The following CAPRIN1 variants were observed in gnomAD, a reference collection of about 807,000 sequenced individuals.
CAPRIN1 encodes the protein caprin-1.
Under a neutral mutation model 100.9 loss-of-function variants are expected in CAPRIN1, and 29 were observed. The observed-to-expected ratio is 0.29, with a 90% CI of 0.21 to 0.39. The LOEUF is 0.39. Ranked by LOEUF, CAPRIN1 falls within the 10% of genes least tolerant of loss-of-function variation. CAPRIN1 has a pLI of 1.00. For synonymous variants in CAPRIN1, 338 were observed against 307.5 expected (o/e 1.10, Z -1.04); for missense variants, 795 against 876.7 (o/e 0.91, Z 1.18).
chr11:34,071,610 T>A, intron 2 of CAPRIN1, 116 bp from the exon 3 acceptor site: 5 of 747,824 alleles, frequency 6.7e-6, no homozygotes, highest in Non-Finnish European at 1.1e-5. Context: ...TCTTAAAAGT[T>A]TATTTAAGTC....
chr11:34,085,063 G>A (rs748968669), intron 9 of CAPRIN1, among the ~76,000 whole-genome samples: 3 of 152,096 alleles, frequency 2.0e-5, no homozygotes, highest in Admixed American at 6.6e-5. Flanking sequence ...ATTTTTATCT[G>A]TGTTGTTTAT....
intron 2 of CAPRIN1, among the ~76,000 whole-genome samples, chr11:34,059,593 A>G (rs918398629): frequency 2.6e-5 from 4 of 152,318 alleles, no homozygotes; most frequent in South Asian, 4.1e-4. Flanking sequence ...AATTGGTAAT[A>G]AGCTCTTTGT....
At position 34,086,142 on chromosome 11, in the gene CAPRIN1, C is replaced by G; in HGVS notation, c.1045C>G (p.Gln349Glu). ...PEPHSLTPVAQADPLVRRQRV... is the reference protein window; with the variant it reads ...PEPHSLTPVAEADPLVRRQRV... The stretch of plus-strand genomic sequence containing the variant: ...GCCCCACTCTTTGACTCCAGTGGCT[C>G]AGGCAGATCCCCTTGTGAGAAGACA... The change falls in exon 10 of 19, where the codon CAG (glutamine) becomes GAG (glutamate). Residue 349 changes from glutamine (Q) to glutamate (E), a missense_variant. Around this residue, in one of 3 missense-constraint regions of CAPRIN1, gnomAD observed 648 missense variants for 697.9 expected, o/e 0.93. Transcript: ENST00000341394. 6.2e-7 allele frequency: 1 copy of G among 1,614,148 alleles called. No individual in the cohort carries two copies. Among genetic ancestry groups the G allele is most frequent in the Non-Finnish European group, 8.5e-7 (1 of 1,180,004 alleles).
intron 15 of CAPRIN1, among the ~76,000 whole-genome samples, chr11:34,095,005 C>T (rs1446620794): frequency 1.3e-5 from 2 of 152,104 alleles, no homozygotes; most frequent in Non-Finnish European, 2.9e-5. Flanking sequence ...ACCTCAGCCT[C>T]CCAAGTAGCT....
rs536107980 is a variant in CAPRIN1 at position 34,055,377 on chromosome 11, C to T, written c.216+2741C>T. Among the ~76,000 whole-genome samples the T allele has an allele frequency of 3.2e-4, 49 of 152,250 alleles. No individual in the cohort carries two copies. In the South Asian group the frequency reaches 3.9e-3, roughly 12 times the overall value. On this transcript the variant is annotated intron_variant, in intron 2 of 18. Transcript: ENST00000341394. ...CGCTCTTGTCCGCCAGGCTGGAGTG[C>T]GACGATGTGATCTCGGTTCACTGCA...
At chr11:34,097,791 C>T (rs1565099530) in intron 18 of CAPRIN1, 30 bp downstream of exon 18, 1 of 1,613,858 alleles carries the variant, frequency 6.2e-7, no homozygotes, top group East Asian at 2.2e-5. Context: ...ATCCTAGCTC[C>T]TAAGTGGAGC....
chr11:34,056,334 T>C (rs912174626), intron 2 of CAPRIN1, among the ~76,000 whole-genome samples: 1 of 152,200 alleles, frequency 6.6e-6, no homozygotes, highest in Non-Finnish European at 1.5e-5. Flanking sequence ...TTTATTGTAC[T>C]TTAAAAAACA....
intron 9 of CAPRIN1, among the ~76,000 whole-genome samples, chr11:34,084,258 G>A (rs1208720867): frequency 1.3e-5 from 2 of 152,132 alleles, no homozygotes; most frequent in East Asian, 3.9e-4. Flanking sequence ...CTGGCCCATA[G>A]ATGTTATAAT....
At chr11:34,091,830 A>C (rs370594632) in intron 14 of CAPRIN1, 76 bp from the exon 15 acceptor site, 2 of 1,351,592 alleles carry the variant, frequency 1.5e-6, no homozygotes, top group Non-Finnish European at 2.0e-6. Context: ...CTGAGGTAAA[A>C]CCACCATTGA....
At chr11:34,066,361 TCTCA>T (rs1156281451) in intron 2 of CAPRIN1, among the ~76,000 whole-genome samples, 2 of 151,984 alleles carry the variant, frequency 1.3e-5, no homozygotes, top group Non-Finnish European at 2.9e-5. Flanking sequence ...TGAGACAGAT[TCTCA>T]CTCTGTCACC....
chr11:34,090,728 G>T lies in CAPRIN1; in HGVS notation c.1554+50G>T, dbSNP rs1362319552. ...TGCCTAGTATGTAATATGAATCATG[G>T]TAGATTTTCTTTTCTTTTTTAAAGG... On this transcript the variant is annotated intron_variant, in intron 14 of 18. Transcript: ENST00000341394. 2.6e-6 allele frequency: 4 copies of T among 1,547,812 alleles called. No homozygotes were observed. The African/African-American group carries it at 4.1e-5, about 16-fold the overall frequency.
At chr11:34,074,220 A>G (rs568381169) in intron 4 of CAPRIN1, among the ~76,000 whole-genome samples, 1 of 152,178 alleles carries the variant, frequency 6.6e-6, no homozygotes, top group Non-Finnish European at 1.5e-5. Flanking sequence ...TAGAAGCAGG[A>G]TTGCTATACA....
chr11:34,052,288 G>C (rs1850331496), intron 1 of CAPRIN1, 133 bp from the exon 2 acceptor site: 3 of 739,000 alleles, frequency 4.1e-6, no homozygotes, highest in Non-Finnish European at 4.4e-6. Context: ...GGCGCGCCGC[G>C]CCCCCTCCCC....
chr11:34,073,256 T>C (rs1850837492), intron 4 of CAPRIN1, among the ~76,000 whole-genome samples: 1 of 152,212 alleles, frequency 6.6e-6, no homozygotes, highest in Non-Finnish European at 1.5e-5. Context: ...ATGGATGAGT[T>C]ACTTAATTTC....
At chr11:34,083,466 A>AT (rs1851072563) in intron 9 of CAPRIN1, among the ~76,000 whole-genome samples, 1 of 151,976 alleles carries the variant, frequency 6.6e-6, no homozygotes, top group South Asian at 2.1e-4. Flanking sequence ...GATAATGATG[A>AT]TTTTTTTCGG....
At chr11:34,086,254 G>A in intron 10 of CAPRIN1, 35 bp downstream of exon 10, 1 of 1,609,948 alleles carries the variant, frequency 6.2e-7, no homozygotes, top group Non-Finnish European at 8.5e-7. Context: ...GTAACAGAAA[G>A]TTTAAGTGTT....
chr11:34,074,537 C>T (rs543752340), intron 4 of CAPRIN1, among the ~76,000 whole-genome samples: 1 of 152,304 alleles, frequency 6.6e-6, no homozygotes, highest in African/African-American at 2.4e-5. Flanking sequence ...TTGTTAACTT[C>T]CTTTCATATT....
At chr11:34,083,761 A>G (rs1404175499) in intron 9 of CAPRIN1, among the ~76,000 whole-genome samples, 2 of 152,144 alleles carry the variant, frequency 1.3e-5, no homozygotes, top group Non-Finnish European at 2.9e-5. Context: ...TTAATATGTT[A>G]TTCTTATATC....
intron 9 of CAPRIN1, 113 bp from the exon 10 acceptor site, chr11:34,085,951 C>T: frequency 1.3e-6 from 1 of 765,544 alleles, no homozygotes; most frequent in Non-Finnish European, 2.1e-6. Flanking sequence ...GCATTAAAGC[C>T]CGTTCTGTTT....
Sources: gnomAD v4.1 joint callset for allele counts (sites outside exome capture counted in the v4.1 genomes callset) on GRCh38, gnomAD v4.1.1 for gene constraint, gnomAD v4.1.1 regional missense constraint, MANE v1.5 for transcripts, NCBI Gene and HGNC (gene_info 2026-07-23, HGNC 2026-07-21) for gene names.